WDFY3: variants seen among roughly 807,000 people sequenced by gnomAD.
WDFY3 encodes WD repeat and FYVE domain-containing protein 3.
A neutral mutation model predicts 409.6 loss-of-function variants in WDFY3; 66 were observed. The observed-to-expected ratio is 0.16, with a 90% confidence interval of 0.13 to 0.20. WDFY3 has a LOEUF of 0.20. Ranked by LOEUF, WDFY3 falls within the 10% of genes least tolerant of loss-of-function variation. WDFY3 has a pLI of 1.00. For synonymous variants in WDFY3, 1,521 were observed against 1,537.1 expected, an observed-to-expected ratio of 0.99 and a Z score of 0.25; for missense variants, 3,031 against 4,298.1, an observed-to-expected ratio of 0.71 and a Z score of 8.24.
intron 3 of WDFY3, among the ~76,000 whole-genome samples, chr4:84,862,697 T>A (rs1456093909): frequency 6.6e-6 from 1 of 152,140 alleles, no homozygotes; most frequent in Admixed American, 6.5e-5. Context: ...AAAAAAAATT[T>A]TTTTTTTCTG....
chr4:84,728,378 A>G (rs1736012322), intron 44 of WDFY3, among the ~76,000 whole-genome samples: 2 of 152,026 alleles, frequency 1.3e-5, no homozygotes, highest in Non-Finnish European at 2.9e-5. Flanking sequence ...AAAAAATCCA[A>G]AAACAGCCTG....
chr4:84,754,998 C>A (rs1206504783), intron 34 of WDFY3, among the ~76,000 whole-genome samples: 1 of 152,038 alleles, frequency 6.6e-6, no homozygotes, highest in East Asian at 1.9e-4. Flanking sequence ...TTTTAAACAC[C>A]AGGAAACTGA....
chr4:84,730,665 C>T (rs1268566530), intron 44 of WDFY3, among the ~76,000 whole-genome samples: 2 of 152,126 alleles, frequency 1.3e-5, no homozygotes, highest in Non-Finnish European at 2.9e-5. Flanking sequence ...ATTCAAACTG[C>T]TCTATAGAGC....
chr4:84,713,522 T>TG (rs1440721195), intron 50 of WDFY3, among the ~76,000 whole-genome samples: 1 of 152,234 alleles, frequency 6.6e-6, no homozygotes, highest in Non-Finnish European at 1.5e-5. Context: ...AAAGGAGTTT[T>TG]GGGTTACCAA....
At chr4:84,813,816 C>A (rs983141191) in intron 13 of WDFY3, among the ~76,000 whole-genome samples, 3 of 152,146 alleles carry the variant, frequency 2.0e-5, no homozygotes, top group Admixed American at 6.5e-5. Context: ...TTGAAGCCAT[C>A]TATGTTCTCC....
In WDFY3 at chr4:84,796,029, A is replaced by G. The variant is rs190925442; in HGVS notation, c.3167+492T>C. On this transcript the variant is annotated intron_variant, in intron 19 of 67. Transcript: ENST00000295888. ...GATGATAAAACCCAAAGAGTTTTCA[A>G]TCTAATTTTAATTTATATATTATCT... Among the ~76,000 whole-genome samples, 504 of 151,936 alleles carry G rather than the reference A, an allele frequency of 3.3e-3. 1 individual carries two copies. The highest frequency in any genetic ancestry group is 0.011 in the African/African-American group (477 of 41,524).
At chr4:84,829,688 TC>T (rs1175082123) in intron 8 of WDFY3, among the ~76,000 whole-genome samples, 1 of 151,890 alleles carries the variant, frequency 6.6e-6, no homozygotes, top group Non-Finnish European at 1.5e-5. Context: ...GCGCCTGTAG[TC>T]CCAGCTACTC....
chr4:84,726,669 G>A (rs947548551), intron 45 of WDFY3, among the ~76,000 whole-genome samples, 192 bp downstream of exon 45: 1 of 151,928 alleles, frequency 6.6e-6, no homozygotes. Context: ...AGAAAAAGCT[G>A]AGCAACAGTA....
intron 3 of WDFY3, 26 bp from the exon 4 acceptor site, chr4:84,860,648 C>T: frequency 6.7e-7 from 1 of 1,490,572 alleles, no homozygotes; most frequent in South Asian, 1.4e-5. Context: ...AATACATGAA[C>T]AGTCAAAACA....
chr4:84,793,723 A>T (rs1292984685), intron 21 of WDFY3, among the ~76,000 whole-genome samples: 1 of 152,236 alleles, frequency 6.6e-6, no homozygotes, highest in African/African-American at 2.4e-5. Flanking sequence ...CAAGAATTTT[A>T]AAGTACTAAC....
chr4:84,944,710 C>T (rs1772586709), intron 1 of WDFY3, among the ~76,000 whole-genome samples: 1 of 150,760 alleles, frequency 6.6e-6, no homozygotes, highest in African/African-American at 2.4e-5. Context: ...AGGAGAATTG[C>T]TTGAACCTGG....
intron 1 of WDFY3, among the ~76,000 whole-genome samples, chr4:84,945,703 C>G (rs961020584): frequency 2.6e-5 from 4 of 152,194 alleles, no homozygotes; most frequent in African/African-American, 9.6e-5. Context: ...CTCCCATCCT[C>G]CCATCTCCGG....
At chr4:84,824,862 CAG>C (rs1334578031) in intron 10 of WDFY3, among the ~76,000 whole-genome samples, 2 of 152,146 alleles carry the variant, frequency 1.3e-5, no homozygotes, top group Non-Finnish European at 2.9e-5. Flanking sequence ...CCATGAGAAA[CAG>C]AAAATTTTGA....
intron 12 of WDFY3, among the ~76,000 whole-genome samples, chr4:84,818,338 GTA>G (rs1753605843): frequency 6.6e-6 from 1 of 151,998 alleles, no homozygotes; most frequent in Non-Finnish European, 1.5e-5. Flanking sequence ...TCACTAATTA[GTA>G]TTTCCTCTAA....
chr4:84,856,346 C>A (rs1412250360), intron 4 of WDFY3, among the ~76,000 whole-genome samples: 1 of 152,032 alleles, frequency 6.6e-6, no homozygotes, highest in Non-Finnish European at 1.5e-5. Context: ...CAAAATATAA[C>A]AAATACTACA....
intron 3 of WDFY3, among the ~76,000 whole-genome samples, chr4:84,880,529 G>A (rs115329762): frequency 4.6e-4 from 70 of 150,712 alleles, no homozygotes; most frequent in African/African-American, 1.6e-3. Flanking sequence ...CAGATCATAC[G>A]AATCAGCAAT....
intron 3 of WDFY3, among the ~76,000 whole-genome samples, chr4:84,870,677 G>C (rs1762021573): frequency 6.6e-6 from 1 of 152,078 alleles, no homozygotes; most frequent in South Asian, 2.1e-4. Context: ...TTTCCTGGGG[G>C]AAGGGCATTT....
Position 84,813,676 on chromosome 4 carries a change from C to A in WDFY3, c.1888-3332G>T, listed in dbSNP as rs181328406. 2.5e-3 allele frequency among the ~76,000 whole-genome samples: 381 copies of A among 152,204 alleles called. 1 individual carries two copies. The highest frequency in any genetic ancestry group is 8.6e-3 in the African/African-American group (358 of 41,536). On this transcript the variant is annotated intron_variant, in intron 13 of 67. Coordinates refer to ENST00000295888, the MANE Select transcript of WDFY3 (RefSeq NM_014991.6). ...GTTACTAACATTAACCAGAACACTG[C>A]CTCAAAATTACGGGTCAGCCAATTA...
chr4:84,934,694 A>C (rs1771190841), intron 1 of WDFY3, among the ~76,000 whole-genome samples: 2 of 152,254 alleles, frequency 1.3e-5, no homozygotes, highest in South Asian at 4.1e-4. Context: ...GAACATTTTA[A>C]ATTCAAAGCA....
Sources: gnomAD v4.1 joint callset for allele counts (sites outside exome capture counted in the v4.1 genomes callset) on GRCh38, gnomAD v4.1.1 for gene constraint, MANE v1.5 for transcripts, NCBI Gene and HGNC (gene_info 2026-07-23, HGNC 2026-07-21) for gene names.